GBF1: variants seen among roughly 807,000 people sequenced by gnomAD.
The protein encoded by GBF1 is Golgi-specific brefeldin A-resistance guanine nucleotide exchange factor 1.
A neutral mutation model predicts 210.5 loss-of-function variants in GBF1; 114 were observed. The ratio of observed to expected loss-of-function variants is 0.54; its 90% CI spans 0.47 to 0.63. GBF1 has a LOEUF of 0.63. GBF1 is among the 30% of genes least tolerant of loss of function. The pLI, the probability that GBF1 is intolerant of heterozygous loss-of-function variation, is 0.00. For synonymous variants in GBF1, 850 were observed against 889.2 expected (o/e 0.96, Z 0.78); for missense variants, 1,851 against 2,357.7 (o/e 0.79, Z 4.45).
intron 3 of GBF1, among the ~76,000 whole-genome samples, chr10:102,266,083 C>A (rs551074315): frequency 6.6e-6 from 1 of 152,048 alleles, no homozygotes; most frequent in South Asian, 2.1e-4. Context: ...TAAAAAAATA[C>A]AAAAAATTAG....
the GBF1 span, chr10:102,232,109 A>T: frequency 7.1e-7 from 1 of 1,416,628 alleles, no homozygotes; most frequent in Non-Finnish European, 9.8e-7. Context: ...GCGAGAGAAG[A>T]CACAGACCAG....
intron 36 of GBF1, 68 bp downstream of exon 36, chr10:102,380,022 G>T (rs2060744698): frequency 9.1e-7 from 1 of 1,093,698 alleles, no homozygotes; most frequent in South Asian, 1.3e-5. Flanking sequence ...GGAAGCCAGG[G>T]CTTCTGGCAG....
chr10:102,363,736 C>T lies in GBF1; in HGVS notation c.2044C>T (p.Pro682Ser). The T allele has an allele frequency of 1.9e-6, 3 of 1,613,328 alleles. No homozygotes were observed. The highest frequency in any genetic ancestry group is 1.7e-4 in the Middle Eastern group (1 of 6,056). ...TGACAAAAAGTTTGCCCGGAAGCCA[C>T]CCCGATTTTCCTGTCTCCTGCCAGA... is the stretch of plus-strand genomic sequence containing the variant. ...GADKKFARKPPRFSCLLPDPR... is the reference protein window; with the variant it reads ...GADKKFARKPSRFSCLLPDPR... The change falls in exon 17 of 40, where the codon CCC becomes TCC. Residue 682 changes from proline to serine, a missense_variant. This residue lies in a region of GBF1 where 804 missense variants were observed against 958.6 expected (regional missense o/e 0.84). Coordinates refer to ENST00000369983, the MANE Select transcript of GBF1 (RefSeq NM_001377137.1). The surrounding 1 kb of genome is among the most constrained non-coding windows in gnomAD (Gnocchi z 4.2).
At chr10:102,256,794 G>A (rs746407878) in intron 1 of GBF1, among the ~76,000 whole-genome samples, 27 of 152,168 alleles carry the variant, frequency 1.8e-4, no homozygotes, top group Admixed American at 1.8e-3. Context: ...TTACAGGCAT[G>A]AGCCACAGTG....
chr10:102,314,141 C>CTTTTTT (rs753694140), intron 3 of GBF1, among the ~76,000 whole-genome samples: 1 of 119,922 alleles, frequency 8.3e-6, no homozygotes, highest in African/African-American at 3.0e-5. Context: ...TTAAACATAT[C>CTTTTTT]TTTTTTTTTT....
intron 3 of GBF1, among the ~76,000 whole-genome samples, chr10:102,300,436 A>T (rs1335949864): frequency 6.6e-6 from 1 of 152,210 alleles, no homozygotes; most frequent in Non-Finnish European, 1.5e-5. Flanking sequence ...TTGTAGTTAC[A>T]CTAGCAGTGA....
the GBF1 span, among the ~76,000 whole-genome samples, chr10:102,238,761 G>T: frequency 6.6e-6 from 1 of 152,190 alleles, no homozygotes. Flanking sequence ...AGGATGCAAG[G>T]TTACACAGTT....
intron 4 of GBF1, among the ~76,000 whole-genome samples, chr10:102,345,268 C>T (rs1469482404): frequency 3.0e-5 from 4 of 134,126 alleles, no homozygotes; most frequent in African/African-American, 8.5e-5. Flanking sequence ...AGCAACAGAG[C>T]GAGACTCTGT....
chr10:102,342,389 G>GCACACACACACACACACACT (rs1486279315), intron 3 of GBF1, among the ~76,000 whole-genome samples: 3 of 144,010 alleles, frequency 2.1e-5, no homozygotes, highest in Non-Finnish European at 4.5e-5. Context: ...TCACACACAC[G>GCACACACACACACACACACT]CACACACACA....
chr10:102,366,994 C>A lies in GBF1; in HGVS notation c.2434-91C>A. The A allele has an allele frequency of 7.1e-7, 1 of 1,403,938 alleles. No homozygotes were observed. The highest frequency in any genetic ancestry group is 2.3e-5 in the East Asian group (1 of 43,514). 87.0% of individuals were successfully genotyped at this position (1,403,938 alleles called of 1,614,324 possible). ...TGGCCACTTTCTGGATGGTACCTCT[C>A]CTCTGTACTAGCACTGACCAGTGGG... On this transcript the variant is annotated intron_variant, in intron 19 of 39. Coordinates refer to ENST00000369983, the MANE Select transcript of GBF1 (RefSeq NM_001377137.1). The surrounding 1 kb of genome is among the most constrained non-coding windows in gnomAD (Gnocchi z 4.0).
At chr10:102,364,562 T>C (rs1467942398) in intron 17 of GBF1, among the ~76,000 whole-genome samples, 1 of 150,068 alleles carries the variant, frequency 6.7e-6, no homozygotes, top group African/African-American at 2.4e-5. Context: ...AACCTAACCC[T>C]TTCTGGCCGG....
intron 3 of GBF1, among the ~76,000 whole-genome samples, chr10:102,308,282 A>G (rs1438745856): frequency 6.6e-6 from 1 of 152,038 alleles, no homozygotes; most frequent in East Asian, 1.9e-4. Flanking sequence ...AAATTCTCAT[A>G]GTGGAATACT....
chr10:102,245,341 C>G (rs1307480386), upstream of GBF1, among the ~76,000 whole-genome samples: 2 of 152,196 alleles, frequency 1.3e-5, no homozygotes, highest in Non-Finnish European at 2.9e-5. Flanking sequence ...GTACTCGTAT[C>G]CGTTGGTTGT....
chr10:102,379,126 G>A (rs1328746541), intron 33 of GBF1, among the ~76,000 whole-genome samples, 158 bp from the exon 34 acceptor site: 1 of 152,172 alleles, frequency 6.6e-6, no homozygotes, highest in Non-Finnish European at 1.5e-5. Context: ...GAACAACCAG[G>A]AAGTCAAGTC....
intron 3 of GBF1, among the ~76,000 whole-genome samples, chr10:102,314,697 C>T (rs1323812707): frequency 6.6e-6 from 1 of 152,182 alleles, no homozygotes; most frequent in African/African-American, 2.4e-5. Context: ...CAGTTCTCTT[C>T]TCTGAGATCC....
At chr10:102,349,717 C>T (rs2058811357) in intron 4 of GBF1, among the ~76,000 whole-genome samples, 1 of 152,210 alleles carries the variant, frequency 6.6e-6, no homozygotes, top group Non-Finnish European at 1.5e-5. Context: ...CTAAACAGCT[C>T]TGGAAAGGAT....
chr10:102,277,638 C>G (rs1020307472), intron 3 of GBF1, among the ~76,000 whole-genome samples: 4 of 152,266 alleles, frequency 2.6e-5, no homozygotes, highest in African/African-American at 9.6e-5. Context: ...CTCGGCCTCC[C>G]AAAGTGCTAG....
At chr10:102,364,026 C>T (rs547587626) in intron 17 of GBF1, among the ~76,000 whole-genome samples, 1 of 152,084 alleles carries the variant, frequency 6.6e-6, no homozygotes, top group South Asian at 2.1e-4. Flanking sequence ...AATGCTGTAC[C>T]AGTTGAGAGC....
intron 3 of GBF1, among the ~76,000 whole-genome samples, chr10:102,305,757 C>A (rs1589569980): frequency 6.6e-6 from 1 of 152,206 alleles, no homozygotes; most frequent in African/African-American, 2.4e-5. Flanking sequence ...AATTCGAGTC[C>A]TTTCATTGTG....
Sources: gnomAD v4.1 joint callset for allele counts (sites outside exome capture counted in the v4.1 genomes callset) on GRCh38, gnomAD v4.1.1 for gene constraint, gnomAD v4.1.1 regional missense constraint, Gnocchi (gnomAD v3.1) non-coding constraint, MANE v1.5 for transcripts, NCBI Gene and HGNC (gene_info 2026-07-23, HGNC 2026-07-21) for gene names.